ALDH1L1: variants seen among roughly 807,000 people sequenced by gnomAD.
ALDH1L1 encodes cytosolic 10-formyltetrahydrofolate dehydrogenase.
ALDH1L1 carries 68 observed loss-of-function variants against 101.1 expected under a neutral mutation model. The ratio of observed to expected loss-of-function variants is 0.67; its 90% CI spans 0.55 to 0.82. ALDH1L1 has a LOEUF of 0.82. Among genes scored for constraint, ALDH1L1 ranks in the 40% least tolerant of loss-of-function variants. The pLI is 0.00. For synonymous variants in ALDH1L1, 486 were observed against 470.8 expected, an observed-to-expected ratio of 1.03 and a Z score of -0.42; for missense variants, 1,087 against 1,172.7, an observed-to-expected ratio of 0.93 and a Z score of 1.07.
intron 9 of ALDH1L1, among the ~76,000 whole-genome samples, chr3:126,140,365 G>A (rs1007232023): frequency 2.6e-5 from 4 of 152,140 alleles, no homozygotes; most frequent in Non-Finnish European, 5.9e-5. Flanking sequence ...AAAAGCTGAA[G>A]AAATTGGTTA....
chr3:126,158,373 G>A (rs369717189), intron 3 of ALDH1L1, 32 bp downstream of exon 3: 6 of 1,513,178 alleles, frequency 4.0e-6, no homozygotes, highest in Admixed American at 2.0e-5. Flanking sequence ...ACATGTATGG[G>A]GATGGCCCCC....
intron 16 of ALDH1L1, among the ~76,000 whole-genome samples, chr3:126,123,072 T>C (rs1348202800): frequency 1.3e-5 from 2 of 152,148 alleles, no homozygotes; most frequent in Non-Finnish European, 2.9e-5. Flanking sequence ...TTCAAAAGTA[T>C]GAATGGGTTG....
upstream of ALDH1L1, chr3:126,181,384 A>C: frequency 1.1e-5 from 3 of 283,062 alleles, no homozygotes; most frequent in South Asian, 4.3e-5. Context: ...TTTTGAGGCG[A>C]CCCTCTCGCT....
At chr3:126,191,730 G>A (rs1392919860) in intron 1 of ALDH1L1, among the ~76,000 whole-genome samples, 2 of 152,190 alleles carry the variant, frequency 1.3e-5, no homozygotes, top group Admixed American at 6.5e-5. Context: ...CCACAGTCAG[G>A]TCATGCCTTA....
Position 126,131,388 on chromosome 3 carries a change from A to G in ALDH1L1, c.1619T>C (p.Ile540Thr). The G allele has an allele frequency of 6.3e-7, 1 of 1,599,052 alleles. No individual in the cohort carries two copies. The highest frequency in any genetic ancestry group is 8.6e-7 in the Non-Finnish European group (1 of 1,168,020). ...GGGTGGGAGCCTGGGCCCCACCTGGATCTTGTCACACCAGCCAGCAAAGTA... is the reference window on the plus strand; with the variant it reads ...GGGTGGGAGCCTGGGCCCCACCTGGGTCTTGTCACACCAGCCAGCAAAGTA... Reference protein sequence around the residue: ...FRYFAGWCDKIQGSTIPINQA... With the variant: ...FRYFAGWCDKTQGSTIPINQA... The change falls in exon 13 of 23, where the codon ATC becomes ACC. Residue 540 changes from isoleucine (I) to threonine (T), a missense_variant. Physicochemically the swap from Ile to Thr is moderately conservative, Grantham distance 89. Around this residue, in one of 2 missense-constraint regions of ALDH1L1, gnomAD observed 442 missense variants for 535.7 expected, o/e 0.83. Transcript: ENST00000393434.
intron 9 of ALDH1L1, among the ~76,000 whole-genome samples, chr3:126,140,006 C>A (rs2080535207): frequency 6.6e-6 from 1 of 152,056 alleles, no homozygotes; most frequent in South Asian, 2.1e-4. Flanking sequence ...GAAATAGTGG[C>A]CCCAAAGTTC....
intron 9 of ALDH1L1, among the ~76,000 whole-genome samples, chr3:126,145,288 A>C (rs1391133223): frequency 6.6e-6 from 1 of 152,228 alleles, no homozygotes; most frequent in Non-Finnish European, 1.5e-5. Context: ...GCCTCTGTGG[A>C]GAATGATATG....
Position 126,114,613 on chromosome 3 carries a change from C to T in ALDH1L1, c.2026G>A (p.Gly676Arg), listed in dbSNP as rs1345926800. 6 of 1,515,532 alleles carry T rather than the reference C, an allele frequency of 4.0e-6. No individual in the cohort carries two copies. Among genetic ancestry groups the T allele is most frequent in the Non-Finnish European group, 5.3e-6 (6 of 1,131,440 alleles). 93.9% of individuals were successfully genotyped at this position (1,515,532 alleles called of 1,614,324 possible). The change falls in exon 18 of 23, where the codon GGG becomes AGG. Residue 676 changes from glycine (G) to arginine (R), a missense_variant. Physicochemically the swap from Gly to Arg is moderately radical, Grantham distance 125. This residue lies in a region of ALDH1L1 where 442 missense variants were observed against 535.7 expected (regional missense o/e 0.83). Transcript: ENST00000393434. ...GCAAAGATGATGAGGGGTGACTTCC[C>T]GCCCAGTTCCAGGGACACCTTCTTC... Reference protein sequence around the residue: ...NVKKVSLELGGKSPLIIFADC... With the variant: ...NVKKVSLELGRKSPLIIFADC...
At chr3:126,166,244 G>A (rs1246093901) in intron 1 of ALDH1L1, among the ~76,000 whole-genome samples, 1 of 152,120 alleles carries the variant, frequency 6.6e-6, no homozygotes, top group East Asian at 1.9e-4. Context: ...AGGGTTAAAG[G>A]CATTGCTCAC....
intron 1 of ALDH1L1, among the ~76,000 whole-genome samples, chr3:126,165,263 G>A (rs1167448033): frequency 6.6e-6 from 1 of 152,172 alleles, no homozygotes; most frequent in Non-Finnish European, 1.5e-5. Flanking sequence ...TGCATCCCAA[G>A]AATAAAGCCC....
chr3:126,130,563 G>C (rs1216741147), intron 13 of ALDH1L1, among the ~76,000 whole-genome samples: 3 of 152,222 alleles, frequency 2.0e-5, no homozygotes, highest in African/African-American at 7.2e-5. Flanking sequence ...GGTGAGGGTG[G>C]GGGCAGGGCC....
chr3:126,109,013 T>C (rs4550785), intron 20 of ALDH1L1, among the ~76,000 whole-genome samples: 100,944 of 152,176 alleles, frequency 0.66, 35,068 homozygotes, highest in African/African-American at 0.89. Context: ...AGGCAAGATG[T>C]AGGGAGCCCG....
chr3:126,126,770 A>G (rs913227368), intron 14 of ALDH1L1, among the ~76,000 whole-genome samples: 5 of 152,218 alleles, frequency 3.3e-5, no homozygotes, highest in Non-Finnish European at 7.4e-5. Context: ...CTGAAGCCCT[A>G]ATCTCCAGAG....
At chr3:126,139,521 G>A (rs1314234757) in intron 9 of ALDH1L1, among the ~76,000 whole-genome samples, 1 of 151,986 alleles carries the variant, frequency 6.6e-6, no homozygotes, top group East Asian at 1.9e-4. Flanking sequence ...AAATAGGAAA[G>A]AAGAGCCCAT....
intron 8 of ALDH1L1, among the ~76,000 whole-genome samples, chr3:126,148,721 T>C (rs532356667): frequency 6.7e-6 from 1 of 149,768 alleles, no homozygotes; most frequent in Non-Finnish European, 1.5e-5. Flanking sequence ...AGAGTTGTTA[T>C]CATGAATAAA....
chr3:126,120,032 C>T (rs879075155), intron 16 of ALDH1L1, among the ~76,000 whole-genome samples: 5 of 152,342 alleles, frequency 3.3e-5, no homozygotes, highest in South Asian at 4.1e-4. Flanking sequence ...GCTGCGGGAA[C>T]GCAAAATGGC....
chr3:126,161,003 C>CTGGA lies in ALDH1L1; in HGVS notation c.-23-5_-23-2dup. On this transcript the variant is annotated splice_acceptor_variant, in intron 1 of 22. Transcript: ENST00000393434. LOFTEE classifies it low-confidence loss of function (5UTR_SPLICE). ...ATGGTAGCAGGAGGGTTGGAAGGAC[C>CTGGA]TGGAGAAGGAATAAGGCAGCAATTA... 1 of 1,614,008 alleles carries CTGGA rather than the reference C, an allele frequency of 6.2e-7. No individual in the cohort carries two copies. Among genetic ancestry groups the CTGGA allele is most frequent in the South Asian group, 1.1e-5 (1 of 91,054 alleles).
chr3:126,114,290 T>C (rs1946167383), intron 18 of ALDH1L1, among the ~76,000 whole-genome samples: 1 of 152,180 alleles, frequency 6.6e-6, no homozygotes, highest in Non-Finnish European at 1.5e-5. Context: ...ATTTCATATT[T>C]ATATGTAATA....
chr3:126,190,663 G>A (rs2081547763), intron 1 of ALDH1L1, among the ~76,000 whole-genome samples: 1 of 152,174 alleles, frequency 6.6e-6, no homozygotes, highest in Non-Finnish European at 1.5e-5. Flanking sequence ...ATCTGCCAGG[G>A]CATTCCCTTG....
Sources: allele counts gnomAD v4.1 joint callset (sites outside exome capture counted in the v4.1 genomes callset), GRCh38; gene constraint gnomAD v4.1.1; regional missense constraint gnomAD v4.1.1; transcripts MANE v1.5; gene names NCBI Gene and HGNC (gene_info 2026-07-23, HGNC 2026-07-21).